The following COX4I1 variants were observed in gnomAD, a reference collection of about 807,000 sequenced individuals.
COX4I1 encodes the protein cytochrome c oxidase subunit 4 isoform 1, mitochondrial.
A neutral mutation model predicts 21.7 loss-of-function variants in COX4I1; 18 were observed. The ratio of observed to expected loss-of-function variants is 0.83; its 90% CI spans 0.57 to 1.23. The LOEUF is 1.23. Ranked by LOEUF, COX4I1 falls within the 50% of genes most tolerant of loss-of-function variation. The probability of loss-of-function intolerance (pLI) is 0.00; values close to 1 mark genes in which losing one functional copy is unlikely to be tolerated. For missense variants in COX4I1, 238 were observed against 220.7 expected, an observed-to-expected ratio of 1.08 and a Z score of -0.50; for synonymous variants, 100 against 81.5, an observed-to-expected ratio of 1.23 and a Z score of -1.23.
At chr16:85,805,688 C>CTGCTGACCTTTG (rs762994090) in intron 3 of COX4I1, 45 bp from the exon 4 acceptor site, 1 of 1,607,986 alleles carries the variant, frequency 6.2e-7, no homozygotes, top group East Asian at 2.2e-5. Flanking sequence ...GAGGAGGGAG[C>CTGCTGACCTTTG]TGCTGACCTT....
chr16:85,801,924 G>GTGTTTT (rs1905795929), intron 2 of COX4I1, among the ~76,000 whole-genome samples: 1 of 152,046 alleles, frequency 6.6e-6, no homozygotes, highest in Non-Finnish European at 1.5e-5. Context: ...AAGAGGGACG[G>GTGTTTT]ATGGGTGAAG....
chr16:85,800,899 C>A (rs957813231), intron 1 of COX4I1, among the ~76,000 whole-genome samples: 12 of 152,206 alleles, frequency 7.9e-5, no homozygotes, highest in African/African-American at 2.9e-4. Context: ...GCTGGAATTA[C>A]CGGCGTGAGC....
chr16:85,806,275 G>A (rs546886544), intron 4 of COX4I1: 108 of 601,738 alleles, frequency 1.8e-4, no homozygotes, highest in African/African-American at 1.7e-3. Context: ...TGGGGGTCCC[G>A]ACCTGATAGT....
chr16:85,802,822 A>T (rs898099176), intron 2 of COX4I1, among the ~76,000 whole-genome samples: 1 of 152,124 alleles, frequency 6.6e-6, no homozygotes, highest in Non-Finnish European at 1.5e-5. Context: ...GCTCTGAAGA[A>T]CCCCTGAAAC....
Position 85,804,993 on chromosome 16 carries a change from C to G in COX4I1, c.130C>G (p.His44Asp). 1 of 1,614,134 alleles carries G rather than the reference C, an allele frequency of 6.2e-7. No individual in the cohort carries two copies. The highest frequency in any genetic ancestry group is 1.3e-5 in the African/African-American group (1 of 75,044). The change falls in exon 3 of 5, where the codon CAC (histidine) becomes GAC (aspartate). Residue 44 changes from histidine to aspartate, a missense_variant. By Grantham distance (81) the His-to-Asp change is moderately conservative. Transcript: ENST00000253452. The stretch of plus-strand genomic sequence containing the variant: ...CCCAGCTTATATGGATCGGCGTGAC[C>G]ACCCCTTGCCGGAGGTGGCCCATGT... ...SLPAYMDRRD[H>D]PLPEVAHVKH...
intron 2 of COX4I1, among the ~76,000 whole-genome samples, chr16:85,801,625 T>C (rs537533562): frequency 1.3e-5 from 2 of 152,204 alleles, no homozygotes; most frequent in South Asian, 4.2e-4. Context: ...CTCCCAACCA[T>C]TTGCATCACC....
At chr16:85,802,414 CCTGCCTGTCTTA>C (rs1905837156) in intron 2 of COX4I1, among the ~76,000 whole-genome samples, 1 of 152,196 alleles carries the variant, frequency 6.6e-6, no homozygotes, top group African/African-American at 2.4e-5. Context: ...GGCCAGGGAG[CCTGCCTGTCTTA>C]CTCATTGCCG....
chr16:85,805,922 C>A (rs1269472774), intron 4 of COX4I1, 58 bp downstream of exon 4: 2 of 1,608,034 alleles, frequency 1.2e-6, no homozygotes, highest in Admixed American at 3.3e-5. Flanking sequence ...CCTGCAGTGC[C>A]CATTGGTGGG....
Position 85,806,981 on chromosome 16 carries a change from T to A in COX4I1, c.*107T>A. 1 of 1,222,872 alleles carries A rather than the reference T, an allele frequency of 8.2e-7. No individual in the cohort carries two copies. Among genetic ancestry groups the A allele is most frequent in the Non-Finnish European group, 1.1e-6 (1 of 874,008 alleles). The allele number at this position is 1,222,872 out of a possible 1,614,324, so 75.8% of individuals were successfully genotyped here. ...TGCCAAACAGTTGTACCACTGCTAA[T>A]AAATGACCAGTTTACCTGAAACCCT... On this transcript the variant is annotated 3_prime_UTR_variant, in exon 5 of 5. Coordinates refer to ENST00000253452, the MANE Select transcript of COX4I1 (RefSeq NM_001861.6).
intron 2 of COX4I1, among the ~76,000 whole-genome samples, chr16:85,802,587 C>T (rs946071277): frequency 1.3e-5 from 2 of 152,176 alleles, no homozygotes; most frequent in Non-Finnish European, 2.9e-5. Flanking sequence ...ATACCATCAG[C>T]CGTCACTGAA....
Position 85,805,799 on chromosome 16 carries a change from T to C in COX4I1, c.308T>C (p.Val103Ala). ...AGGGGCTCGAACGAGTGGAAGACGG[T>C]TGTGGGCGGTGCCATGTTCTTCATC... Reference protein sequence around the residue: ...MNRGSNEWKTVVGGAMFFIGF... With the variant: ...MNRGSNEWKTAVGGAMFFIGF... Residue 103 changes from valine (V) to alanine (A), a missense_variant, in exon 4 of 5, where the codon GTT becomes GCT. By Grantham distance (64) the Val-to-Ala change is moderately conservative (BLOSUM62 0). Coordinates refer to ENST00000253452, the MANE Select transcript of COX4I1 (RefSeq NM_001861.6). 2 of 1,614,204 alleles carry C rather than the reference T, an allele frequency of 1.2e-6. No homozygotes were observed. Among genetic ancestry groups the C allele is most frequent in the South Asian group, 2.2e-5 (2 of 91,088 alleles).
At chr16:85,801,568 A>C (rs546967678) in intron 2 of COX4I1, among the ~76,000 whole-genome samples, 1 of 152,172 alleles carries the variant, frequency 6.6e-6, no homozygotes, top group African/African-American at 2.4e-5. Context: ...CTTCTGCACC[A>C]TAACTGACTG....
rs1191663823 is a variant in COX4I1, at chr16:85,806,904, C to G, written c.*30C>G. Reference sequence around the variant, plus strand: ...TGCTGGCCTGCGCCTGCACCTGCGCCTGGCTCTGTCACCGCCATGCAACTC... The same window carrying G: ...TGCTGGCCTGCGCCTGCACCTGCGCGTGGCTCTGTCACCGCCATGCAACTC... On this transcript the variant is annotated 3_prime_UTR_variant, in exon 5 of 5. Transcript: ENST00000253452. The G allele has an allele frequency of 3.8e-6, 6 of 1,597,542 alleles. No individual in the cohort carries two copies. The African/African-American group carries it at 8.0e-5, about 21-fold the overall frequency.
At chr16:85,806,425 A>C in intron 4 of COX4I1, 1 of 557,446 alleles carries the variant, frequency 1.8e-6, no homozygotes, top group Non-Finnish European at 3.2e-6. Context: ...ATGTGGGTTA[A>C]TAACAGACCC....
chr16:85,804,912 A>C, intron 2 of COX4I1, 25 bp from the exon 3 acceptor site: 1 of 1,583,652 alleles, frequency 6.3e-7, no homozygotes, highest in South Asian at 1.1e-5. Flanking sequence ...TGGATTTTCA[A>C]AGATTTATTC....
intron 3 of COX4I1, 182 bp downstream of exon 3, chr16:85,805,286 T>C (rs1241329664): frequency 8.3e-6 from 5 of 603,224 alleles, no homozygotes; most frequent in Non-Finnish European, 1.4e-5. Context: ...CACTTAGCTC[T>C]GCCAGCTGAC....
chr16:85,805,430 G>A (rs1375865587), intron 3 of COX4I1: 5 of 530,816 alleles, frequency 9.4e-6, no homozygotes, highest in Non-Finnish European at 1.7e-5. Flanking sequence ...TATGAAAGGG[G>A]CAGAAAAATA....
At chr16:85,804,697 C>T in intron 2 of COX4I1, 1 of 397,492 alleles carries the variant, frequency 2.5e-6, no homozygotes, top group Non-Finnish European at 4.5e-6. Context: ...CCTCTGGGCA[C>T]CTTGGCCCCA....
In COX4I1 at chr16:85,806,917, C is replaced by T. The variant is rs369581485; in HGVS notation, c.*43C>T. 78 of 1,583,106 alleles carry T rather than the reference C, an allele frequency of 4.9e-5. No homozygotes were observed. The highest frequency in any genetic ancestry group is 6.3e-5 in the Non-Finnish European group (73 of 1,162,128). ...CTGCACCTGCGCCTGGCTCTGTCACCGCCATGCAACTCCATGCCTATTTAC... is the reference window on the plus strand; with the variant it reads ...CTGCACCTGCGCCTGGCTCTGTCACTGCCATGCAACTCCATGCCTATTTAC... On this transcript the variant is annotated 3_prime_UTR_variant, in exon 5 of 5. Coordinates refer to ENST00000253452, the MANE Select transcript of COX4I1 (RefSeq NM_001861.6).
Sources: allele counts gnomAD v4.1 joint callset (sites outside exome capture counted in the v4.1 genomes callset), GRCh38; gene constraint gnomAD v4.1.1; transcripts MANE v1.5; gene names NCBI Gene and HGNC (gene_info 2026-07-23, HGNC 2026-07-21).